The following TTC28 variants were observed in gnomAD, a reference collection of about 807,000 sequenced individuals.
The protein encoded by TTC28 is tetratricopeptide repeat protein 28.
Under a neutral mutation model 198.0 loss-of-function variants are expected in TTC28, and 61 were observed. The ratio of observed to expected loss-of-function variants is 0.31; its 90% CI spans 0.25 to 0.38. The LOEUF (loss-of-function observed/expected upper bound fraction) is 0.38, where lower values mean the gene tolerates loss of function less well. Ranked by LOEUF, TTC28 falls within the 10% of genes least tolerant of loss-of-function variation. The pLI is 1.00. For missense variants in TTC28, 2,678 were observed against 3,164.0 expected, an observed-to-expected ratio of 0.85 and a Z score of 3.69; for synonymous variants, 1,171 against 1,297.8, an observed-to-expected ratio of 0.90 and a Z score of 2.10.
At chr22:28,362,093 A>T (rs777384755) in intron 2 of TTC28, among the ~76,000 whole-genome samples, 9 of 152,222 alleles carry the variant, frequency 5.9e-5, no homozygotes, top group Non-Finnish European at 1.2e-4. Context: ...TCTGAAGCCC[A>T]CAAATCATGG....
chr22:28,074,105 G>C (rs1689914564), intron 12 of TTC28, among the ~76,000 whole-genome samples: 1 of 152,120 alleles, frequency 6.6e-6, no homozygotes, highest in Non-Finnish European at 1.5e-5. Flanking sequence ...ATTTCAACCA[G>C]TTCAAAGAGA....
chr22:28,327,066 T>G (rs1222645945), intron 2 of TTC28, among the ~76,000 whole-genome samples: 1 of 151,972 alleles, frequency 6.6e-6, no homozygotes, highest in African/African-American at 2.4e-5. Flanking sequence ...AAATGTGCTT[T>G]GTATTTAAAA....
chr22:27,999,218 A>G lies in TTC28; in HGVS notation c.4441T>C (p.Ser1481Pro). Residue 1481 changes from serine to proline, a missense_variant, in exon 16 of 23, where the codon TCC becomes CCC. Transcript: ENST00000397906. ...GGGTTGCCGATGACAGCCGCCATGG[A>G]TGTGGAGCTGGAGTATGTGGGCGGG... ...KNPPTYSSST[S>P]MAAVIGNPKL... 1 of 1,550,974 alleles carries G rather than the reference A, an allele frequency of 6.4e-7. No individual in the cohort carries two copies. Among genetic ancestry groups the G allele is most frequent in the Non-Finnish European group, 8.7e-7 (1 of 1,146,940 alleles).
At chr22:28,120,517 G>C (rs1942756728) in intron 6 of TTC28, among the ~76,000 whole-genome samples, 1 of 151,864 alleles carries the variant, frequency 6.6e-6, no homozygotes, top group African/African-American at 2.4e-5. Context: ...TTTTTCCCTG[G>C]GTTACTTTGC....
At position 28,242,841 on chromosome 22, in the gene TTC28, G is replaced by T. The variant is rs1040242690; in HGVS notation, c.933+53357C>A. The stretch of plus-strand genomic sequence containing the variant: ...AATAATAAGCAGATTCATTTTAGAT[G>T]ACACGTTAAAATTAAATTGACATCA... On this transcript the variant is annotated intron_variant, in intron 5 of 22. Transcript: ENST00000397906. Among the ~76,000 whole-genome samples, 5 of 151,804 alleles carry T rather than the reference G, an allele frequency of 3.3e-5. No homozygotes were observed. In the South Asian group the frequency reaches 1.0e-3, roughly 32 times the overall value.
intron 5 of TTC28, among the ~76,000 whole-genome samples, chr22:28,170,206 G>A (rs917138148): frequency 6.6e-6 from 1 of 152,120 alleles, no homozygotes; most frequent in Non-Finnish European, 1.5e-5. Context: ...ATGGAAATTA[G>A]GCCGGGTGCG....
At chr22:28,118,734 G>A (rs1942707398) in intron 6 of TTC28, among the ~76,000 whole-genome samples, 2 of 151,960 alleles carry the variant, frequency 1.3e-5, no homozygotes, top group Admixed American at 6.5e-5. Context: ...ATTGTTAAAC[G>A]ACACATGACT....
At chr22:28,598,509 C>CA (rs36035176) in intron 2 of TTC28, among the ~76,000 whole-genome samples, 17,705 of 51,004 alleles carry the variant, frequency 0.35, 2,814 homozygotes, top group Non-Finnish European at 0.37. Context: ...ACTACGTCTC[C>CA]AAAAAAAAAA....
intron 2 of TTC28, among the ~76,000 whole-genome samples, chr22:28,484,406 C>G (rs1253202574): frequency 6.6e-6 from 1 of 152,112 alleles, no homozygotes; most frequent in Non-Finnish European, 1.5e-5. Context: ...GCCACCGCAC[C>G]CAGCCCCCAA....
chr22:28,046,800 T>A (rs1939884134), intron 12 of TTC28, among the ~76,000 whole-genome samples: 1 of 152,322 alleles, frequency 6.6e-6, no homozygotes, highest in South Asian at 2.1e-4. Context: ...ACATAGGCTA[T>A]ACACACAGCA....
Position 27,990,787 on chromosome 22 carries a change from A to G in TTC28, c.5577+2T>C. 6.4e-7 allele frequency: 1 copy of G among 1,550,388 alleles called. No homozygotes were observed. The highest frequency in any genetic ancestry group is 8.7e-7 in the Non-Finnish European group (1 of 1,146,856). On this transcript the variant is annotated splice_donor_variant, in intron 20 of 22. Transcript: ENST00000397906. LOFTEE classifies it high-confidence loss of function. Reference sequence around the variant, plus strand: ...ACAGTTGCTACTTAAAGTAGTACTCACCATTCCAACCATATTTTTAACAGC... The same window carrying G: ...ACAGTTGCTACTTAAAGTAGTACTCGCCATTCCAACCATATTTTTAACAGC...
chr22:28,007,372 G>A (rs1937970792), intron 14 of TTC28: 1 of 152,120 alleles, frequency 6.6e-6, no homozygotes, highest in African/African-American at 2.4e-5. Context: ...TGTAGATACT[G>A]TATTTCAGCC....
chr22:28,210,178 G>T lies in TTC28; in HGVS notation c.934-46579C>A, dbSNP rs538790257. On this transcript the variant is annotated intron_variant, in intron 5 of 22. Coordinates refer to ENST00000397906, the MANE Select transcript of TTC28 (RefSeq NM_001145418.2). The stretch of plus-strand genomic sequence containing the variant: ...GACCAAAGGTAGATAAAACCACAAA[G>T]ATGCGGAGACACCAGAGCAGAAAAG... Among the ~76,000 whole-genome samples, 4 of 152,250 alleles carry T rather than the reference G, an allele frequency of 2.6e-5. No homozygotes were observed. The South Asian group carries it at 6.2e-4, about 24-fold the overall frequency.
At chr22:28,634,269 T>C (rs530907622) in intron 1 of TTC28, among the ~76,000 whole-genome samples, 3 of 152,190 alleles carry the variant, frequency 2.0e-5, no homozygotes, top group South Asian at 2.1e-4. Flanking sequence ...CCCAGCACAC[T>C]GGGAGGCCGA....
intron 2 of TTC28, among the ~76,000 whole-genome samples, chr22:28,338,447 T>C (rs2045769666): frequency 6.6e-6 from 1 of 152,126 alleles, no homozygotes; most frequent in African/African-American, 2.4e-5. Context: ...CCAACTTGGT[T>C]CCATTCTCCC....
At chr22:28,220,691 T>G (rs1215197706) in intron 5 of TTC28, among the ~76,000 whole-genome samples, 1 of 152,202 alleles carries the variant, frequency 6.6e-6, no homozygotes, top group Non-Finnish European at 1.5e-5. Flanking sequence ...CAAAATAATG[T>G]ACATTCTGTC....
intron 2 of TTC28, among the ~76,000 whole-genome samples, chr22:28,448,417 A>G (rs1257358655): frequency 5.3e-5 from 8 of 152,226 alleles, no homozygotes; most frequent in African/African-American, 1.9e-4. Flanking sequence ...GGCTAGCCTC[A>G]TACTTATTTA....
chr22:28,188,150 TG>T (rs1050080218), intron 5 of TTC28, among the ~76,000 whole-genome samples: 4 of 151,958 alleles, frequency 2.6e-5, no homozygotes, highest in African/African-American at 7.3e-5. Flanking sequence ...ATAGAGCAAA[TG>T]GAAACCCCTA....
chr22:28,409,230 A>T (rs1479192266), intron 2 of TTC28, among the ~76,000 whole-genome samples: 1 of 152,140 alleles, frequency 6.6e-6, no homozygotes, highest in Non-Finnish European at 1.5e-5. Flanking sequence ...TTGTTTACTG[A>T]CTCATATTAT....
Sources: allele counts gnomAD v4.1 joint callset (sites outside exome capture counted in the v4.1 genomes callset), GRCh38; gene constraint gnomAD v4.1.1; transcripts MANE v1.5; gene names NCBI Gene and HGNC (gene_info 2026-07-23, HGNC 2026-07-21).